The following CAVIN1 variants were observed in gnomAD, a reference collection of about 807,000 sequenced individuals.
The protein encoded by CAVIN1 is caveolae associated protein 1, also known as caveolae-associated protein 1.
Under a neutral mutation model 24.0 loss-of-function variants are expected in CAVIN1, and 16 were observed. The observed-to-expected ratio is 0.67, with a 90% CI of 0.45 to 1.01. The LOEUF is 1.01. Ranked by LOEUF, CAVIN1 falls within the 50% of genes least tolerant of loss-of-function variation. The pLI is 0.00. For missense variants in CAVIN1, 510 were observed against 551.7 expected, an observed-to-expected ratio of 0.92 and a Z score of 0.76; for synonymous variants, 256 against 256.4, an observed-to-expected ratio of 1.00 and a Z score of 0.02.
intron 1 of CAVIN1, among the ~76,000 whole-genome samples, chr17:42,411,198 A>AAAAAAAAAAAAC (rs2085475034): frequency 1.4e-5 from 2 of 146,250 alleles, no homozygotes; most frequent in Non-Finnish European, 3.0e-5. Context: ...GTCTCAAAAA[A>AAAAAAAAAAAAC]AAAAAAAAAA....
At chr17:42,420,230 C>G (rs2085537123) in intron 1 of CAVIN1, among the ~76,000 whole-genome samples, 1 of 152,224 alleles carries the variant, frequency 6.6e-6, no homozygotes, top group African/African-American at 2.4e-5. Context: ...CAACATCCTC[C>G]CCCTTCAGCC....
chr17:42,419,284 CATTTT>C lies in CAVIN1; in HGVS notation c.471+3338_471+3342del, dbSNP rs772194482. Among the ~76,000 whole-genome samples the C allele has an allele frequency of 2.0e-4, 30 of 151,170 alleles. No individual in the cohort carries two copies. The South Asian group carries it at 5.6e-3, about 28-fold the overall frequency. On this transcript the variant is annotated intron_variant, in intron 1 of 1. Transcript: ENST00000357037. ...ATCATAGTTCCACTCATCTGCATGGCATTTTATTTTATTTATTGTTGTTATTATTA... is the reference window on the plus strand; with the variant it reads ...ATCATAGTTCCACTCATCTGCATGGCATTTTATTTATTGTTGTTATTATTA...
intron 1 of CAVIN1, among the ~76,000 whole-genome samples, chr17:42,421,788 C>T (rs1330644802): frequency 2.0e-5 from 3 of 152,146 alleles, no homozygotes; most frequent in Admixed American, 6.5e-5. Context: ...GCCTGGCCCC[C>T]GCCCCCGCAG....
At chr17:42,416,593 CAAAAAAAAAAAAAAAA>C (rs34249867) in intron 1 of CAVIN1, among the ~76,000 whole-genome samples, 1 of 54,464 alleles carries the variant, frequency 1.8e-5, no homozygotes, top group Non-Finnish European at 3.4e-5. Flanking sequence ...GATCCTTTCT[CAAAAAAAAAAAAAAAA>C]AAAAAAAAAG....
chr17:42,416,900 A>G (rs1302781992), intron 1 of CAVIN1, among the ~76,000 whole-genome samples: 1 of 152,086 alleles, frequency 6.6e-6, no homozygotes, highest in Non-Finnish European at 1.5e-5. Context: ...TTGGATTGCG[A>G]TTTGGGGAGG....
chr17:42,420,228 TC>T (rs2085537108), intron 1 of CAVIN1, among the ~76,000 whole-genome samples: 1 of 152,064 alleles, frequency 6.6e-6, no homozygotes, highest in African/African-American at 2.4e-5. Flanking sequence ...CCCAACATCC[TC>T]CCCCTTCAGC....
At chr17:42,413,388 C>T (rs1357902850) in intron 1 of CAVIN1, among the ~76,000 whole-genome samples, 3 of 151,620 alleles carry the variant, frequency 2.0e-5, no homozygotes, top group African/African-American at 4.8e-5. Flanking sequence ...CAACATTGCC[C>T]AGGTCTCTGC....
intron 1 of CAVIN1, among the ~76,000 whole-genome samples, chr17:42,410,690 G>C (rs2085470002): frequency 6.6e-6 from 1 of 151,956 alleles, no homozygotes; most frequent in Non-Finnish European, 1.5e-5. Flanking sequence ...GAGGTGGGCA[G>C]ATTACGAGGT....
rs779002425 is a variant in CAVIN1, at chr17:42,405,144, T to G, written c.716A>C (p.Glu239Ala). The G allele has an allele frequency of 2.5e-6, 4 of 1,613,766 alleles. No homozygotes were observed. In the South Asian group the frequency reaches 4.4e-5, roughly 18 times the overall value. The change falls in exon 2 of 2, where the codon GAG (glutamate) becomes GCG (alanine). Residue 239 changes from glutamate to alanine, a missense_variant. Glu to Ala is a moderately radical substitution (Grantham distance 107). Coordinates refer to ENST00000357037, the MANE Select transcript of CAVIN1 (RefSeq NM_012232.6). ...ACGCACCTTGGTCTTCTCCATCTTC[T>G]CCTTGGAGAAGGCCTTCTTGAAGTC... The part of the protein sequence containing the change: ...VDDFKKAFSK[E>A]KMEKTKVRTR...
intron 1 of CAVIN1, among the ~76,000 whole-genome samples, chr17:42,420,420 G>A (rs2085538510): frequency 6.6e-6 from 1 of 152,234 alleles, no homozygotes; most frequent in African/African-American, 2.4e-5. Context: ...GCTCAGGGAA[G>A]TTCTGCTTTC....
At chr17:42,405,697 T>TTTG (rs2085442431) in intron 1 of CAVIN1, among the ~76,000 whole-genome samples, 1 of 144,278 alleles carries the variant, frequency 6.9e-6, no homozygotes, top group Non-Finnish European at 1.5e-5. Flanking sequence ...TTTTTTTTTT[T>TTTG]TTTTTTTTAA....
chr17:42,404,765 G>A lies in CAVIN1; in HGVS notation c.1095C>T (p.Ser365=). The change falls in exon 2 of 2, where the codon AGC becomes AGT. Residue 365 remains serine, a synonymous_variant. Transcript: ENST00000357037. ...RGEAGDLRRG[S]SPDVHALLEI... ...CCAGCAGCGCGTGCACGTCGGGGCT[G>A]CTCCCGCGCCGCAGGTCGCCGGCCT... 6.4e-7 allele frequency: 1 copy of A among 1,571,606 alleles called. No homozygotes were observed. The highest frequency in any genetic ancestry group is 8.6e-7 in the Non-Finnish European group (1 of 1,161,458).
chr17:42,413,430 A>G (rs1196579124), intron 1 of CAVIN1, among the ~76,000 whole-genome samples: 1 of 151,914 alleles, frequency 6.6e-6, no homozygotes, highest in East Asian at 2.0e-4. Context: ...CTGTTGGCAC[A>G]TGCCTGAAAT....
At chr17:42,415,297 T>A (rs945712589) in intron 1 of CAVIN1, among the ~76,000 whole-genome samples, 1 of 152,172 alleles carries the variant, frequency 6.6e-6, no homozygotes, top group African/African-American at 2.4e-5. Context: ...TGGCTCCAGT[T>A]TGACTCCCAA....
At chr17:42,410,709 C>T (rs1281427554) in intron 1 of CAVIN1, among the ~76,000 whole-genome samples, 1 of 151,276 alleles carries the variant, frequency 6.6e-6, no homozygotes, top group Non-Finnish European at 1.5e-5. Context: ...GTCAGGAGAT[C>T]GAGACCATTC....
rs531661585 is a variant in CAVIN1, at chr17:42,405,682, G to GTTTTTTTTTTTTT, written c.472-307_472-295dup. On this transcript the variant is annotated intron_variant, in intron 1 of 1. Transcript: ENST00000357037. ...CCATTCTTTCTCTCTCTCTCTCCTT[G>GTTTTTTTTTTTTT]TTTTTTTTTTTTTTTTTTTTTTTAA... is the stretch of plus-strand genomic sequence containing the variant. Among the ~76,000 whole-genome samples the GTTTTTTTTTTTTT allele has an allele frequency of 3.7e-3, 211 of 57,728 alleles. 15 individuals are homozygous for GTTTTTTTTTTTTT. The highest frequency in any genetic ancestry group is 8.0e-3 in the African/African-American group (163 of 20,428). The allele number at this position is 57,728 out of a possible 152,430, so 37.9% of individuals were successfully genotyped here.
chr17:42,419,260 T>A (rs1293865284), intron 1 of CAVIN1, among the ~76,000 whole-genome samples: 2 of 152,072 alleles, frequency 1.3e-5, no homozygotes, highest in Non-Finnish European at 2.9e-5. Flanking sequence ...TCTTTAATGA[T>A]CATAGTTCCA....
chr17:42,415,639 C>T (rs957223631), intron 1 of CAVIN1, among the ~76,000 whole-genome samples: 7 of 151,686 alleles, frequency 4.6e-5, no homozygotes, highest in Admixed American at 2.6e-4. Context: ...TGAGCCCGGA[C>T]GACAGGGGCT....
At position 42,404,649 on chromosome 17, in the gene CAVIN1, A is replaced by C. The variant is rs2085430569; in HGVS notation, c.*38T>G. The C allele has an allele frequency of 7.6e-7, 1 of 1,321,578 alleles. No individual in the cohort carries two copies. The highest frequency in any genetic ancestry group is 9.9e-7 in the Non-Finnish European group (1 of 1,010,818). The allele number at this position is 1,321,578 out of a possible 1,614,324, so 81.9% of individuals were successfully genotyped here. A position where few individuals can be genotyped will look rare whatever the true frequency, so the allele number is the denominator to read the frequency against. On this transcript the variant is annotated 3_prime_UTR_variant, in exon 2 of 2. Transcript: ENST00000357037. The stretch of plus-strand genomic sequence containing the variant: ...AGAGAATGCGAAAGAGGAAGTTCGG[A>C]AGGAGCGAGGAATGGGGTGGGTGGC...
Sources: gnomAD v4.1 joint callset for allele counts (sites outside exome capture counted in the v4.1 genomes callset) on GRCh38, gnomAD v4.1.1 for gene constraint, MANE v1.5 for transcripts, NCBI Gene and HGNC (gene_info 2026-07-23, HGNC 2026-07-21) for gene names.